NRXN3: variants seen among roughly 807,000 people sequenced by gnomAD.
The protein encoded by NRXN3 is neurexin 3.
NRXN3 carries 32 observed loss-of-function variants against 137.6 expected under a neutral mutation model. The ratio of observed to expected loss-of-function variants is 0.23; its 90% CI spans 0.18 to 0.31. NRXN3 has a LOEUF of 0.31. NRXN3 is among the 10% of genes least tolerant of loss of function. NRXN3 has a pLI of 1.00. For missense variants in NRXN3, 1,574 were observed against 2,062.5 expected (o/e 0.76, Z 4.59); for synonymous variants, 798 against 784.5 (o/e 1.02, Z -0.29).
In NRXN3 at chr14:79,077,898, A is replaced by G. The variant is rs967173642; in HGVS notation, c.3262+89757A>G. 3.3e-5 allele frequency among the ~76,000 whole-genome samples: 5 copies of G among 152,128 alleles called. No individual in the cohort carries two copies. The South Asian group carries it at 1.0e-3, about 32-fold the overall frequency. Reference sequence around the variant, plus strand: ...GATCAGGTATATATAAGTAAGGTTTACTTATATAAGGCTGAGAAAAGGGGC... The same window carrying G: ...GATCAGGTATATATAAGTAAGGTTTGCTTATATAAGGCTGAGAAAAGGGGC... On this transcript the variant is annotated intron_variant, in intron 15 of 20. Transcript: ENST00000335750.
intron 8 of NRXN3, among the ~76,000 whole-genome samples, chr14:78,719,368 C>G (rs2098448701): frequency 6.6e-6 from 1 of 152,182 alleles, no homozygotes; most frequent in Admixed American, 6.5e-5. Flanking sequence ...GCTGCTGCTC[C>G]TCTCCATTCG....
intron 17 of NRXN3, among the ~76,000 whole-genome samples, chr14:79,666,152 C>A (rs548316276): frequency 5.9e-5 from 9 of 152,028 alleles, no homozygotes; most frequent in Non-Finnish European, 1.3e-4. Flanking sequence ...TATTTTTCTC[C>A]TCTGATGATT....
chr14:79,391,199 A>G (rs919824783), intron 15 of NRXN3, among the ~76,000 whole-genome samples: 2 of 152,224 alleles, frequency 1.3e-5, no homozygotes, highest in East Asian at 1.9e-4. Context: ...GGATCTTAAT[A>G]TCTTATTCTG....
intron 4 of NRXN3, among the ~76,000 whole-genome samples, chr14:78,329,129 G>C (rs1157942925): frequency 6.6e-6 from 1 of 152,160 alleles, no homozygotes; most frequent in Non-Finnish European, 1.5e-5. Flanking sequence ...TAAAATGAGA[G>C]AGCTTCTGAT....
In NRXN3 at chr14:78,261,049, CTG is replaced by C. The variant is rs148276571; in HGVS notation, c.709+17249_709+17250del. Among the ~76,000 whole-genome samples, 651 of 152,250 alleles carry C rather than the reference CTG, an allele frequency of 4.3e-3. 4 individuals carry two copies. Among genetic ancestry groups the C allele is most frequent in the African/African-American group, 0.015 (621 of 41,534 alleles). On this transcript the variant is annotated intron_variant, in intron 2 of 20. Transcript: ENST00000335750. The stretch of plus-strand genomic sequence containing the variant: ...TGTCCTGGCTTTACAGATGAGGAAA[CTG>C]TAGCTGAAGAGAGAAAGCATCTGTC...
rs563680232 is a variant in NRXN3, at chr14:79,047,714, A to G, written c.3262+59573A>G. Among the ~76,000 whole-genome samples the G allele has an allele frequency of 3.9e-5, 6 of 152,320 alleles. No homozygotes were observed. In the South Asian group the frequency reaches 1.0e-3, roughly 26 times the overall value. On this transcript the variant is annotated intron_variant, in intron 15 of 20. Transcript: ENST00000335750. ...ATCTTTAGTAATCAAGAAATTGTAT[A>G]TTAAAATCACAGTGATGTATCATTT...
intron 19 of NRXN3, among the ~76,000 whole-genome samples, chr14:79,733,223 A>C (rs2098930296): frequency 6.6e-6 from 1 of 152,216 alleles, no homozygotes; most frequent in African/African-American, 2.4e-5. Flanking sequence ...TGTTTGTTTT[A>C]AATACCAGTC....
At chr14:79,628,267 G>A (rs529278571) in intron 16 of NRXN3, among the ~76,000 whole-genome samples, 2 of 152,218 alleles carry the variant, frequency 1.3e-5, no homozygotes, top group South Asian at 4.1e-4. Context: ...TACATTTGTG[G>A]AATAGAGAGA....
At position 78,658,414 on chromosome 14, in the gene NRXN3, A is replaced by G. The variant is rs921040077; in HGVS notation, c.1221+7088A>G. Among the ~76,000 whole-genome samples the G allele has an allele frequency of 5.9e-5, 9 of 152,200 alleles. 1 individual carries two copies. Among genetic ancestry groups the G allele is most frequent in the Admixed American group, 5.2e-4 (8 of 15,288 alleles). ...ATGGAGGTGTTTTATAAAATACAAA[A>G]CACTATACAAAGGTTAATGAAGTTG... On this transcript the variant is annotated intron_variant, in intron 6 of 20. Coordinates refer to ENST00000335750, the MANE Select transcript of NRXN3 (RefSeq NM_001330195.2).
At chr14:79,600,173 G>T (rs2097907334) in intron 16 of NRXN3, among the ~76,000 whole-genome samples, 1 of 152,126 alleles carries the variant, frequency 6.6e-6, no homozygotes, top group South Asian at 2.1e-4. Flanking sequence ...TGGCTCCAGG[G>T]TTCATGGTCT....
At chr14:78,852,250 C>A (rs544457381) in intron 10 of NRXN3, among the ~76,000 whole-genome samples, 7 of 152,274 alleles carry the variant, frequency 4.6e-5, no homozygotes, top group Admixed American at 6.5e-5. Context: ...TATGCCAATA[C>A]CCTGACGAAG....
chr14:79,417,777 T>C (rs1177406613), intron 15 of NRXN3, among the ~76,000 whole-genome samples: 1 of 152,152 alleles, frequency 6.6e-6, no homozygotes, highest in Admixed American at 6.6e-5. Context: ...GTTTATGCAA[T>C]AGGGATTGAA....
chr14:78,191,157 A>G (rs992390306), intron 1 of NRXN3, among the ~76,000 whole-genome samples: 1 of 152,156 alleles, frequency 6.6e-6, no homozygotes, highest in Non-Finnish European at 1.5e-5. Context: ...CATTACAAGC[A>G]AATTCACAAC....
At chr14:78,812,652 T>G (rs2098917865) in intron 10 of NRXN3, among the ~76,000 whole-genome samples, 1 of 152,218 alleles carries the variant, frequency 6.6e-6, no homozygotes, top group Non-Finnish European at 1.5e-5. Flanking sequence ...TTTCTTAATC[T>G]GATAAAATAT....
At chr14:78,857,637 G>A (rs1277638381) in intron 10 of NRXN3, among the ~76,000 whole-genome samples, 2 of 152,170 alleles carry the variant, frequency 1.3e-5, no homozygotes, top group African/African-American at 2.4e-5. Flanking sequence ...TTCAGCTAGT[G>A]TAAAGAGGGA....
chr14:78,761,971 T>A (rs555203288), intron 8 of NRXN3, among the ~76,000 whole-genome samples: 1 of 152,342 alleles, frequency 6.6e-6, no homozygotes, highest in East Asian at 1.9e-4. Flanking sequence ...GGTGTTATTA[T>A]CATCATTTTA....
At chr14:79,148,545 T>G (rs773357380) in intron 15 of NRXN3, among the ~76,000 whole-genome samples, 1 of 152,140 alleles carries the variant, frequency 6.6e-6, no homozygotes, top group Non-Finnish European at 1.5e-5. Flanking sequence ...CAGTCCCTTG[T>G]CCCTCATCTT....
At chr14:78,484,808 G>C (rs1280503055) in intron 4 of NRXN3, among the ~76,000 whole-genome samples, 1 of 152,190 alleles carries the variant, frequency 6.6e-6, no homozygotes, top group African/African-American at 2.4e-5. Flanking sequence ...TTCTCTAAGA[G>C]AATGGGATAT....
intron 15 of NRXN3, among the ~76,000 whole-genome samples, chr14:79,374,334 C>T (rs185948413): frequency 2.0e-5 from 3 of 151,942 alleles, no homozygotes; most frequent in South Asian, 2.1e-4. Flanking sequence ...AGGTCAGAAA[C>T]GCCTCATTAC....
Sources: allele counts gnomAD v4.1 joint callset (sites outside exome capture counted in the v4.1 genomes callset), GRCh38; gene constraint gnomAD v4.1.1; transcripts MANE v1.5; gene names NCBI Gene and HGNC (gene_info 2026-07-23, HGNC 2026-07-21).